The following BCAS3 variants were observed in gnomAD, a reference collection of about 807,000 sequenced individuals.
The protein encoded by BCAS3 is BCAS4/BCAS3 fusion.
Under a neutral mutation model 116.1 loss-of-function variants are expected in BCAS3, and 53 were observed. The ratio of observed to expected loss-of-function variants is 0.46; its 90% CI spans 0.37 to 0.57. The LOEUF is 0.57. BCAS3 is among the 20% of genes least tolerant of loss of function. The pLI, the probability that BCAS3 is intolerant of heterozygous loss-of-function variation, is 0.00. For missense variants in BCAS3, 917 were observed against 1,165.4 expected, an observed-to-expected ratio of 0.79 and a Z score of 3.10; for synonymous variants, 391 against 408.2, an observed-to-expected ratio of 0.96 and a Z score of 0.51.
At chr17:61,275,455 C>G (rs1276801951) in intron 22 of BCAS3, among the ~76,000 whole-genome samples, 1 of 151,884 alleles carries the variant, frequency 6.6e-6, no homozygotes, top group Non-Finnish European at 1.5e-5. Context: ...AGGGCTGAAG[C>G]TGGGAAGAAA....
In BCAS3 at chr17:61,363,853, A is replaced by C. The variant is rs940960336; in HGVS notation, c.2426-4474A>C. Reference sequence around the variant, plus strand: ...GATGGAGTGTCCCTGGGCTGGTCAGATGAATGATAGCTGTGCTGTCAACAT... The same window carrying C: ...GATGGAGTGTCCCTGGGCTGGTCAGCTGAATGATAGCTGTGCTGTCAACAT... On this transcript the variant is annotated intron_variant, in intron 22 of 23. Coordinates refer to ENST00000407086, the MANE Select transcript of BCAS3 (RefSeq NM_017679.5). This position sits in a 1 kb window ranked among gnomAD's most constrained non-coding sequence, Gnocchi z 4.9. Among the ~76,000 whole-genome samples, 1 of 152,164 alleles carries C rather than the reference A, an allele frequency of 6.6e-6. No homozygotes were observed. The highest frequency in any genetic ancestry group is 6.5e-5 in the Admixed American group (1 of 15,270).
At chr17:60,969,053 C>A (rs1254178467) in intron 14 of BCAS3, among the ~76,000 whole-genome samples, 1 of 152,012 alleles carries the variant, frequency 6.6e-6, no homozygotes, top group Non-Finnish European at 1.5e-5. Flanking sequence ...AGGGGCATTA[C>A]AGATCTGGAA....
At chr17:61,090,592 A>G (rs2073470048) in intron 22 of BCAS3, among the ~76,000 whole-genome samples, 1 of 152,234 alleles carries the variant, frequency 6.6e-6, no homozygotes, top group Admixed American at 6.5e-5. Flanking sequence ...TTATTTGCCC[A>G]TAAGGAAAAT....
At chr17:60,717,491 C>T (rs1191097236) in intron 5 of BCAS3, among the ~76,000 whole-genome samples, 1 of 152,072 alleles carries the variant, frequency 6.6e-6, no homozygotes, top group Non-Finnish European at 1.5e-5. Context: ...GCTGGGATTA[C>T]AGGCGTGAGC....
chr17:61,170,581 C>T (rs867521093), intron 22 of BCAS3, among the ~76,000 whole-genome samples: 8 of 152,122 alleles, frequency 5.3e-5, no homozygotes, highest in South Asian at 2.1e-4. Flanking sequence ...CGTGAGCCAC[C>T]GCGCCTGGCC....
chr17:60,777,351 G>A (rs9897546), intron 6 of BCAS3, among the ~76,000 whole-genome samples: 35,342 of 152,084 alleles, frequency 0.23, 7,290 homozygotes, highest in African/African-American at 0.56. Context: ...TTGGCCCAGC[G>A]TGGTGCCTCA....
chr17:60,814,266 A>ATT (rs2049112631), intron 7 of BCAS3, among the ~76,000 whole-genome samples: 8 of 137,478 alleles, frequency 5.8e-5, no homozygotes, highest in African/African-American at 8.4e-5. Context: ...ATTTCTTGGT[A>ATT]TTTTGTGTGT....
Position 60,874,725 on chromosome 17 carries a change from A to G in BCAS3, c.648A>G (p.Lys216=), listed in dbSNP as rs375377185. ...TTGATAGCTGTACTTTCACGAAGAA[A>G]TTCTTTGTTACAAGTATGTACCAAT... is the stretch of plus-strand genomic sequence containing the variant. ...AAFDSCTFTK[K]FFVTSCYPCP... is the part of the protein sequence containing the mutation. The change falls in exon 9 of 24, where the codon AAA becomes AAG. Residue 216 remains lysine (K), a synonymous_variant. Coordinates refer to ENST00000407086, the MANE Select transcript of BCAS3 (RefSeq NM_017679.5). 7 of 1,610,096 alleles carry G rather than the reference A, an allele frequency of 4.3e-6. No homozygotes were observed. The highest frequency in any genetic ancestry group is 5.9e-6 in the Non-Finnish European group (7 of 1,177,746).
intron 9 of BCAS3, among the ~76,000 whole-genome samples, chr17:60,880,897 T>C (rs1233724653): frequency 6.6e-6 from 1 of 152,244 alleles, no homozygotes; most frequent in Non-Finnish European, 1.5e-5. Context: ...TTATCAGATA[T>C]ATCTTTTTGC....
chr17:60,875,763 AT>A lies in BCAS3; in HGVS notation c.661+1028del, dbSNP rs527517041. 2.6e-5 allele frequency among the ~76,000 whole-genome samples: 4 copies of A among 152,116 alleles called. No individual in the cohort carries two copies. The South Asian group carries it at 8.3e-4, about 32-fold the overall frequency. On this transcript the variant is annotated intron_variant, in intron 9 of 23. Coordinates refer to ENST00000407086, the MANE Select transcript of BCAS3 (RefSeq NM_017679.5). ...GGCAAAAATATTGTATCTTAATTAA[AT>A]TTCTAGTGCCACAGACATGCCATTT...
chr17:60,830,268 C>G (rs745980142), intron 7 of BCAS3, among the ~76,000 whole-genome samples: 1 of 152,158 alleles, frequency 6.6e-6, no homozygotes, highest in African/African-American at 2.4e-5. Context: ...GGATTATAGG[C>G]GTGAGCCACT....
At position 61,379,264 on chromosome 17, in the gene BCAS3, T is replaced by C. The variant is rs1020568242; in HGVS notation, c.2593+10770T>C. 1 of 152,298 alleles carries C rather than the reference T, an allele frequency of 6.6e-6. No individual in the cohort carries two copies. The highest frequency in any genetic ancestry group is 2.1e-4 in the South Asian group (1 of 4,836). 9.4% of individuals were successfully genotyped at this position (152,298 alleles called of 1,614,324 possible). A position where few individuals can be genotyped will look rare whatever the true frequency, so the allele number is the denominator to read the frequency against. The stretch of plus-strand genomic sequence containing the variant: ...GAACAAAGTTGAACGCGGTCATGGA[T>C]GGTTAAATTCCCACCTTTCCCTTCT... On this transcript the variant is annotated intron_variant, in intron 23 of 23. Coordinates refer to ENST00000407086, the MANE Select transcript of BCAS3 (RefSeq NM_017679.5). This position sits in a 1 kb window ranked among gnomAD's most constrained non-coding sequence, Gnocchi z 5.5.
chr17:61,250,333 C>T (rs961776870), intron 22 of BCAS3, among the ~76,000 whole-genome samples: 2 of 152,184 alleles, frequency 1.3e-5, no homozygotes, highest in Non-Finnish European at 2.9e-5. Context: ...CTTCTTCATA[C>T]ACTTGTGAGT....
chr17:60,889,231 G>C (rs768106114), intron 9 of BCAS3, among the ~76,000 whole-genome samples: 17 of 152,190 alleles, frequency 1.1e-4, no homozygotes, highest in Non-Finnish European at 1.9e-4. Context: ...ATTGGCCTCA[G>C]TGAGGTCAAA....
chr17:61,122,811 G>A lies in BCAS3; in HGVS notation c.2425+38247G>A, dbSNP rs945507824. ...ATATTTAGCATCTGTTGTCAATACA[G>A]CAATGTAAGCTGATGGCTATTGGAA... On this transcript the variant is annotated intron_variant, in intron 22 of 23. Coordinates refer to ENST00000407086, the MANE Select transcript of BCAS3 (RefSeq NM_017679.5). This position sits in a 1 kb window ranked among gnomAD's most constrained non-coding sequence, Gnocchi z 4.6. Among the ~76,000 whole-genome samples, 1 of 152,150 alleles carries A rather than the reference G, an allele frequency of 6.6e-6. No homozygotes were observed. The highest frequency in any genetic ancestry group is 2.4e-5 in the African/African-American group (1 of 41,428).
At chr17:60,705,132 G>A (rs549448532) in intron 4 of BCAS3, among the ~76,000 whole-genome samples, 5 of 152,286 alleles carry the variant, frequency 3.3e-5, no homozygotes, top group East Asian at 1.9e-4. Context: ...AACCATGAAA[G>A]TCAGCAAGCT....
At position 61,300,250 on chromosome 17, in the gene BCAS3, TC is replaced by T. The variant is rs2053319585; in HGVS notation, c.2426-68074del. On this transcript the variant is annotated intron_variant, in intron 22 of 23. Coordinates refer to ENST00000407086, the MANE Select transcript of BCAS3 (RefSeq NM_017679.5). This position sits in a 1 kb window ranked among gnomAD's most constrained non-coding sequence, Gnocchi z 5.1. ...CATACAGTCCCAGTTGGTTTCACTG[TC>T]CCGAGACCCTAAGGATGTTTTCGTA... Among the ~76,000 whole-genome samples the T allele has an allele frequency of 6.6e-6, 1 of 152,190 alleles. No homozygotes were observed.
At chr17:61,040,996 G>A (rs2067461769) in intron 19 of BCAS3, 104 bp downstream of exon 19, 1 of 905,214 alleles carries the variant, frequency 1.1e-6, no homozygotes, top group East Asian at 2.4e-5. Context: ...ATAGGCCATG[G>A]GCCTTAAAGA....
At chr17:61,059,640 G>A (rs2069774620) in intron 19 of BCAS3, among the ~76,000 whole-genome samples, 1 of 152,198 alleles carries the variant, frequency 6.6e-6, no homozygotes, top group Non-Finnish European at 1.5e-5. Context: ...TTGTTGTGAA[G>A]AGAAAGCGTT....
Sources: gnomAD v4.1 joint callset for allele counts (sites outside exome capture counted in the v4.1 genomes callset) on GRCh38, gnomAD v4.1.1 for gene constraint, Gnocchi (gnomAD v3.1) non-coding constraint, MANE v1.5 for transcripts, NCBI Gene and HGNC (gene_info 2026-07-23, HGNC 2026-07-21) for gene names.